The following SHPRH variants were observed in gnomAD, a reference collection of about 807,000 sequenced individuals.
SHPRH encodes E3 ubiquitin-protein ligase SHPRH.
SHPRH carries 106 observed loss-of-function variants against 202.5 expected under a neutral mutation model. The observed-to-expected ratio is 0.52, with a 90% confidence interval of 0.45 to 0.62. The LOEUF (loss-of-function observed/expected upper bound fraction) is 0.62, where lower values mean the gene tolerates loss of function less well. SHPRH is among the 20% of genes least tolerant of loss of function. The pLI, the probability that SHPRH is intolerant of heterozygous loss-of-function variation, is 0.00. For synonymous variants in SHPRH, 729 were observed against 686.0 expected, an observed-to-expected ratio of 1.06 and a Z score of -0.98; for missense variants, 1,710 against 2,020.0, an observed-to-expected ratio of 0.85 and a Z score of 2.94.
At chr6:145,934,473 T>TAAATAAAATAAAATA (rs71552941) in intron 13 of SHPRH, among the ~76,000 whole-genome samples, 54,084 of 131,570 alleles carry the variant, frequency 0.41, 11,737 homozygotes, top group Admixed American at 0.52. Context: ...TCTCAAAAAA[T>TAAATAAAATAAAATA]AAATAAAATA....
Position 145,913,500 on chromosome 6 carries a change from C to T in SHPRH, c.4304G>A (p.Cys1435Tyr). ...GGVNPEPCPICARQLGKQWAV... is the reference protein window; with the variant it reads ...GGVNPEPCPIYARQLGKQWAV... ...TACCTGTTTTCCTAGCTGTCGAGCA[C>T]AGATTGGGCAAGGTTCTGGATTAAC... The change falls in exon 24 of 30, where the codon TGT becomes TAT. Residue 1435 changes from cysteine to tyrosine, a missense_variant. Physicochemically the swap from Cys to Tyr is radical, Grantham distance 194. Coordinates refer to ENST00000275233, the MANE Select transcript of SHPRH (RefSeq NM_001042683.3). 2 of 1,610,298 alleles carry T rather than the reference C, an allele frequency of 1.2e-6. No individual in the cohort carries two copies. The highest frequency in any genetic ancestry group is 1.7e-6 in the Non-Finnish European group (2 of 1,178,214).
At chr6:145,927,687 T>C (rs912524896) in intron 14 of SHPRH, among the ~76,000 whole-genome samples, 1 of 151,672 alleles carries the variant, frequency 6.6e-6, no homozygotes, top group Non-Finnish European at 1.5e-5. Context: ...TAATTATAGA[T>C]TATTTATTAA....
At chr6:145,951,148 CA>C (rs1448599898) in intron 3 of SHPRH, among the ~76,000 whole-genome samples, 1 of 151,922 alleles carries the variant, frequency 6.6e-6, no homozygotes, top group African/African-American at 2.4e-5. Flanking sequence ...TTGGTGGGCA[CA>C]ATTGTTCTGT....
At chr6:145,862,099 T>A (rs1466053728), downstream of SHPRH, among the ~76,000 whole-genome samples, 1 of 152,146 alleles carries the variant, frequency 6.6e-6, no homozygotes, top group East Asian at 1.9e-4. Context: ...AAATGGGGCC[T>A]ATGAATAACA....
rs1185060018 is a variant in SHPRH, at chr6:145,946,232, C to T, written c.1321+1G>A. 2 of 1,604,434 alleles carry T rather than the reference C, an allele frequency of 1.2e-6. No individual in the cohort carries two copies. Among genetic ancestry groups the T allele is most frequent in the Admixed American group, 1.7e-5 (1 of 59,160 alleles). On this transcript the variant is annotated splice_donor_variant, in intron 7 of 29. Coordinates refer to ENST00000275233, the MANE Select transcript of SHPRH (RefSeq NM_001042683.3). LOFTEE classifies it high-confidence loss of function. ...TTTCCTTTAAGAGATGTCTTACTTA[C>T]GAGGGCATTGAACTTTTTCTTTTGG... is the stretch of plus-strand genomic sequence containing the variant.
intron 2 of SHPRH, among the ~76,000 whole-genome samples, chr6:145,872,848 C>A (rs955946416): frequency 6.6e-6 from 1 of 152,170 alleles, no homozygotes; most frequent in African/African-American, 2.4e-5. Context: ...GAATACTATG[C>A]AGGCATAAAA....
intron 13 of SHPRH, among the ~76,000 whole-genome samples, 191 bp downstream of exon 13, chr6:145,934,716 G>C (rs1785879717): frequency 6.6e-6 from 1 of 150,668 alleles, no homozygotes; most frequent in African/African-American, 2.4e-5. Flanking sequence ...CTGCAAAAGA[G>C]AAATGCTTAA....
rs746321445 is a variant in SHPRH, at chr6:145,945,413, C to T, written c.1546G>A (p.Glu516Lys). The T allele has an allele frequency of 2.0e-5, 32 of 1,612,474 alleles. No individual in the cohort carries two copies. Among genetic ancestry groups the T allele is most frequent in the Non-Finnish European group, 2.4e-5 (28 of 1,179,328 alleles). The change falls in exon 8 of 30, where the codon GAA (glutamate) becomes AAA (lysine). Residue 516 changes from glutamate to lysine, a missense_variant. By Grantham distance (56) the Glu-to-Lys change is moderately conservative. Coordinates refer to ENST00000275233, the MANE Select transcript of SHPRH (RefSeq NM_001042683.3). Reference sequence around the variant, plus strand: ...TTTGTTTTATCACATATATCCTCTTCCTTGTAATTCTTTCCCAATGTAAAA... The same window carrying T: ...TTTGTTTTATCACATATATCCTCTTTCTTGTAATTCTTTCCCAATGTAAAA... The part of the protein sequence containing the change: ...GTFTLGKNYK[E>K]EDICDKTKKQ...
At position 145,950,475 on chromosome 6, in the gene SHPRH, C is replaced by T. The variant is rs746788668; in HGVS notation, c.771G>A (p.Leu257=). 3.7e-6 allele frequency: 6 copies of T among 1,612,522 alleles called. No homozygotes were observed. Among genetic ancestry groups the T allele is most frequent in the Non-Finnish European group, 5.1e-6 (6 of 1,179,128 alleles). ...KLHNSIIPDV[L]EEDEDDPESE... ...TCTCCGGATCATCTTCATCCTCTTCCAACACATCTGTACATCACACAGCAA... is the reference window on the plus strand; with the variant it reads ...TCTCCGGATCATCTTCATCCTCTTCTAACACATCTGTACATCACACAGCAA... The change falls in exon 4 of 30, where the codon TTG becomes TTA. Residue 257 remains leucine (L), a synonymous_variant. Coordinates refer to ENST00000275233, the MANE Select transcript of SHPRH (RefSeq NM_001042683.3).
chr6:145,929,981 G>A (rs1472601059), intron 14 of SHPRH, among the ~76,000 whole-genome samples: 1 of 152,022 alleles, frequency 6.6e-6, no homozygotes, highest in African/African-American at 2.4e-5. Flanking sequence ...GGTAAGTAAA[G>A]CACCTGTAAT....
intron 25 of SHPRH, among the ~76,000 whole-genome samples, chr6:145,897,440 G>A (rs1322055172): frequency 6.6e-6 from 1 of 151,938 alleles, no homozygotes; most frequent in Non-Finnish European, 1.5e-5. Context: ...TGGTTTCACT[G>A]GTAAAGTTAA....
chr6:145,904,684 T>A (rs1021628820), intron 25 of SHPRH: 1 of 152,298 alleles, frequency 6.6e-6, no homozygotes, highest in South Asian at 2.1e-4. Context: ...CGTGAAGCAG[T>A]GTGACAACGT....
intron 7 of SHPRH, 81 bp from the exon 8 acceptor site, chr6:145,945,718 T>G: frequency 7.2e-7 from 1 of 1,384,232 alleles, no homozygotes; most frequent in Non-Finnish European, 9.6e-7. Context: ...TTAATCTGCA[T>G]GAGGACTGAG....
At chr6:145,949,031 G>A (rs1428300621) in intron 4 of SHPRH, among the ~76,000 whole-genome samples, 1 of 151,808 alleles carries the variant, frequency 6.6e-6, no homozygotes, top group Non-Finnish European at 1.5e-5. Context: ...TTATATTCTA[G>A]AATAAAATGG....
chr6:145,865,233 G>T (rs1361828174), intron 2 of SHPRH, among the ~76,000 whole-genome samples: 1 of 152,124 alleles, frequency 6.6e-6, no homozygotes, highest in East Asian at 1.9e-4. Flanking sequence ...TTTAGAGATG[G>T]GGCCTTTGGG....
At chr6:145,902,740 G>A (rs1162139333) in intron 25 of SHPRH, among the ~76,000 whole-genome samples, 2 of 152,060 alleles carry the variant, frequency 1.3e-5, no homozygotes, top group East Asian at 1.9e-4. Context: ...TGTTTACACA[G>A]ACTATTCAAT....
intron 2 of SHPRH, among the ~76,000 whole-genome samples, chr6:145,953,398 T>C (rs1305428488): frequency 6.6e-6 from 1 of 152,074 alleles, no homozygotes; most frequent in Non-Finnish European, 1.5e-5. Flanking sequence ...ACTTGGTCTG[T>C]AGGGAACGTA....
intron 2 of SHPRH, among the ~76,000 whole-genome samples, chr6:145,879,172 TATC>T (rs1392130542): frequency 1.3e-5 from 2 of 152,210 alleles, no homozygotes; most frequent in Non-Finnish European, 2.9e-5. Context: ...GAGCCATAGT[TATC>T]ATATTTTTAT....
Position 145,893,309 on chromosome 6 carries a change from T to C in SHPRH, c.4780A>G (p.Ile1594Val), listed in dbSNP as rs764709138. Residue 1594 changes from isoleucine to valine, a missense_variant, in exon 28 of 30, where the codon ATT becomes GTT. Ile to Val is a conservative substitution (Grantham distance 29). Transcript: ENST00000275233. Reference sequence around the variant, plus strand: ...ACCAAGAGAACATGAGTTGCTTCAATGATAGTTAATCCATTAGAACCTGTG... The same window carrying C: ...ACCAAGAGAACATGAGTTGCTTCAACGATAGTTAATCCATTAGAACCTGTG... ...LHTGSNGLTI[I>V]EATHVLLVEP... The C allele has an allele frequency of 6.2e-7, 1 of 1,605,676 alleles. No individual in the cohort carries two copies. Among genetic ancestry groups the C allele is most frequent in the Non-Finnish European group, 8.5e-7 (1 of 1,176,262 alleles).
Sources: allele counts gnomAD v4.1 joint callset (sites outside exome capture counted in the v4.1 genomes callset), GRCh38; gene constraint gnomAD v4.1.1; transcripts MANE v1.5; gene names NCBI Gene and HGNC (gene_info 2026-07-23, HGNC 2026-07-21).